The following OPRM1 variants were observed in gnomAD, a reference collection of about 807,000 sequenced individuals.
The protein encoded by OPRM1 is opioid receptor mu 1, also known as mu-type opioid receptor.
OPRM1 carries 27 observed loss-of-function variants against 31.8 expected under a neutral mutation model. The ratio of observed to expected loss-of-function variants is 0.85; its 90% CI spans 0.63 to 1.17. The LOEUF (loss-of-function observed/expected upper bound fraction) is 1.17, where lower values mean the gene tolerates loss of function less well. OPRM1 is among the 50% of genes most tolerant of loss of function. The pLI, the probability that OPRM1 is intolerant of heterozygous loss-of-function variation, is 0.00. For synonymous variants in OPRM1, 196 were observed against 189.9 expected (o/e 1.03, Z -0.26); for missense variants, 536 against 511.1 (o/e 1.05, Z -0.47).
At chr6:154,087,360 T>C (rs1790837823) in intron 1 of OPRM1, 1 of 985,472 alleles carries the variant, frequency 1.0e-6, no homozygotes. Context: ...ACAGCTGTCT[T>C]GGGCTGAATG....
chr6:154,163,109 C>T (rs1437406752), intron 3 of OPRM1, among the ~76,000 whole-genome samples: 3 of 152,178 alleles, frequency 2.0e-5, no homozygotes, highest in African/African-American at 7.2e-5. Context: ...TCCTTCTGTT[C>T]AGAACCTTCC....
intron 3 of OPRM1, among the ~76,000 whole-genome samples, chr6:154,236,453 G>C (rs1780141457): frequency 6.6e-6 from 1 of 152,178 alleles, no homozygotes; most frequent in Non-Finnish European, 1.5e-5. Flanking sequence ...AAGACGAAAA[G>C]AGTTCTGGAG....
At chr6:154,015,525 G>C (rs1777955766) in intron 1 of OPRM1, among the ~76,000 whole-genome samples, 1 of 151,930 alleles carries the variant, frequency 6.6e-6, no homozygotes, top group Admixed American at 6.6e-5. Context: ...GGATCAAAAA[G>C]TAGATTCTAA....
intron 3 of OPRM1, among the ~76,000 whole-genome samples, chr6:154,146,203 C>T (rs1034124799): frequency 2.6e-5 from 4 of 152,212 alleles, no homozygotes; most frequent in African/African-American, 7.2e-5. Context: ...AGTTCAAGAC[C>T]AGCCTGGCTA....
upstream of OPRM1, among the ~76,000 whole-genome samples, chr6:154,036,769 A>G (rs770566751): frequency 6.6e-6 from 1 of 151,938 alleles, no homozygotes; most frequent in Non-Finnish European, 1.5e-5. Flanking sequence ...CAGATTGCAT[A>G]TATTTTATGC....
chr6:154,238,595 C>G (rs1409955494), intron 3 of OPRM1, among the ~76,000 whole-genome samples: 1 of 152,112 alleles, frequency 6.6e-6, no homozygotes, highest in Non-Finnish European at 1.5e-5. Flanking sequence ...TCATTTATTT[C>G]TCTCTGTGTG....
At chr6:154,231,155 A>G (rs1229545004) in intron 3 of OPRM1, among the ~76,000 whole-genome samples, 2 of 152,230 alleles carry the variant, frequency 1.3e-5, no homozygotes, top group Admixed American at 1.3e-4. Context: ...AGATTCTCAC[A>G]CTACACACAG....
chr6:154,224,826 C>G (rs140620453), intron 3 of OPRM1, among the ~76,000 whole-genome samples: 1,641 of 152,250 alleles, frequency 0.011, 38 homozygotes, highest in Non-Finnish European at 0.012. Flanking sequence ...TGTACTCATT[C>G]ATATGTATAT....
intron 3 of OPRM1, among the ~76,000 whole-genome samples, chr6:154,105,002 C>A (rs1020095269): frequency 6.6e-6 from 1 of 152,182 alleles, no homozygotes; most frequent in Non-Finnish European, 1.5e-5. Flanking sequence ...GGTATGAGGC[C>A]AGTTCCCCAA....
At chr6:154,022,483 T>G (rs914188107) in intron 1 of OPRM1, among the ~76,000 whole-genome samples, 2 of 144,530 alleles carry the variant, frequency 1.4e-5, no homozygotes, top group Non-Finnish European at 2.9e-5. Flanking sequence ...AGTTTGCAAA[T>G]ATTTTCTCCA....
chr6:154,029,721 C>T (rs979529790), intron 1 of OPRM1, among the ~76,000 whole-genome samples: 1 of 152,144 alleles, frequency 6.6e-6, no homozygotes, highest in South Asian at 2.1e-4. Flanking sequence ...ATGGGAGGGA[C>T]CCAGTGGGAG....
At chr6:154,177,543 G>T (rs1217558301) in intron 3 of OPRM1, among the ~76,000 whole-genome samples, 1 of 152,106 alleles carries the variant, frequency 6.6e-6, no homozygotes, top group African/African-American at 2.4e-5. Flanking sequence ...AAAAAATGCT[G>T]ATCATCACTG....
chr6:154,053,661 G>T (rs983569330), intron 1 of OPRM1, among the ~76,000 whole-genome samples: 6 of 152,136 alleles, frequency 3.9e-5, no homozygotes, highest in Non-Finnish European at 7.4e-5. Context: ...CTCCCTGCCT[G>T]ACTCTACATC....
intron 3 of OPRM1, among the ~76,000 whole-genome samples, chr6:154,171,734 G>T (rs1287740244): frequency 6.6e-6 from 1 of 152,216 alleles, no homozygotes; most frequent in African/African-American, 2.4e-5. Flanking sequence ...GGTCAAGCTG[G>T]AGACACTGGA....
intron 3 of OPRM1, chr6:154,093,474 C>T: frequency 6.2e-7 from 1 of 1,612,074 alleles, no homozygotes; most frequent in Non-Finnish European, 8.5e-7. Context: ...TTGCCCGACA[C>T]TGCCCTTGAC....
At chr6:154,095,810 C>G (rs1793275454) in intron 3 of OPRM1, among the ~76,000 whole-genome samples, 1 of 152,144 alleles carries the variant, frequency 6.6e-6, no homozygotes, top group African/African-American at 2.4e-5. Flanking sequence ...ATTAGGTAGA[C>G]TAAGGCATAG....
chr6:154,231,751 G>C (rs1042697775), intron 3 of OPRM1, among the ~76,000 whole-genome samples: 16 of 152,210 alleles, frequency 1.1e-4, no homozygotes, highest in African/African-American at 3.6e-4. Flanking sequence ...AGAGGATAGA[G>C]AACAGAGATG....
Position 154,168,986 on chromosome 6 carries a change from G to A in OPRM1, c.1164+77514G>A, listed in dbSNP as rs889758491. Among the ~76,000 whole-genome samples, 3 of 151,886 alleles carry A rather than the reference G, an allele frequency of 2.0e-5. No individual in the cohort carries two copies. Among genetic ancestry groups the A allele is most frequent in the Non-Finnish European group, 2.9e-5 (2 of 67,986 alleles). ...CCTCCTAAATTCATGTGTTTCTCACGTGCAATATATTCACCTCATCCCAAC... is the reference window on the plus strand; with the variant it reads ...CCTCCTAAATTCATGTGTTTCTCACATGCAATATATTCACCTCATCCCAAC... On this transcript the variant is annotated intron_variant, in intron 3 of 3. Coordinates refer to the OPRM1 transcript ENST00000337049. The surrounding 1 kb of genome is among the most constrained non-coding windows in gnomAD (Gnocchi z 4.1).
chr6:154,104,163 G>A lies in OPRM1; in HGVS notation c.1164+12691G>A, dbSNP rs192979508. 3.9e-4 allele frequency among the ~76,000 whole-genome samples: 59 copies of A among 152,294 alleles called. No individual in the cohort carries two copies. In the East Asian group the frequency reaches 7.1e-3, roughly 18 times the overall value. On this transcript the variant is annotated intron_variant, in intron 3 of 3. Transcript: ENST00000330432. Reference sequence around the variant, plus strand: ...CTGCCTAGCTATTAGGGGCTCTTGTGTTTAGGGTAGAGAGAAGCTCAGTCA... The same window carrying A: ...CTGCCTAGCTATTAGGGGCTCTTGTATTTAGGGTAGAGAGAAGCTCAGTCA...
Sources: allele counts gnomAD v4.1 joint callset (sites outside exome capture counted in the v4.1 genomes callset), GRCh38; gene constraint gnomAD v4.1.1; non-coding constraint Gnocchi (gnomAD v3.1); transcripts MANE v1.5; gene names NCBI Gene and HGNC (gene_info 2026-07-23, HGNC 2026-07-21).